Variants in THSD7B observed in about 807,000 individuals in gnomAD.
THSD7B encodes thrombospondin type-1 domain-containing protein 7B.
THSD7B carries 138 observed loss-of-function variants against 213.6 expected under a neutral mutation model. That is an observed-to-expected ratio of 0.65 (90% CI 0.56 to 0.74). THSD7B has a LOEUF of 0.74. THSD7B is among the 30% of genes least tolerant of loss of function. The pLI, the probability that THSD7B is intolerant of heterozygous loss-of-function variation, is 0.00. For synonymous variants in THSD7B, 742 were observed against 687.0 expected, an observed-to-expected ratio of 1.08 and a Z score of -1.25; for missense variants, 1,931 against 1,991.5, an observed-to-expected ratio of 0.97 and a Z score of 0.58.
At chr2:137,637,401 G>A (rs1398797193) in intron 20 of THSD7B, among the ~76,000 whole-genome samples, 4 of 152,226 alleles carry the variant, frequency 2.6e-5, no homozygotes, top group South Asian at 2.1e-4. Context: ...GAAGCATCAG[G>A]TCCAGTAATT....
rs534736121 is a variant in THSD7B, at chr2:137,240,570, G to C, written c.2151-1887G>C. Among the ~76,000 whole-genome samples, 78 of 152,026 alleles carry C rather than the reference G, an allele frequency of 5.1e-4. 1 individual carries two copies. The highest frequency in any genetic ancestry group is 8.8e-4 in the Non-Finnish European group (60 of 68,016). On this transcript the variant is annotated intron_variant, in intron 9 of 27. Coordinates refer to ENST00000409968, the MANE Select transcript of THSD7B (RefSeq NM_001316349.2). ...ATTGTCCAGGCTCTGGAGTGCAGGG[G>C]TATGATCATAGCTTACTGCAGCCTT... is the stretch of plus-strand genomic sequence containing the variant.
At chr2:137,649,144 T>C (rs1683092285) in intron 21 of THSD7B, among the ~76,000 whole-genome samples, 1 of 152,240 alleles carries the variant, frequency 6.6e-6, no homozygotes, top group East Asian at 1.9e-4. Context: ...TGTTGAGTTC[T>C]TTGAACTATT....
intron 7 of THSD7B, among the ~76,000 whole-genome samples, chr2:137,190,050 C>G (rs1449579320): frequency 6.6e-6 from 1 of 152,132 alleles, no homozygotes; most frequent in Non-Finnish European, 1.5e-5. Context: ...GAAAGCCAGT[C>G]CAGGTTGCCA....
intron 10 of THSD7B, among the ~76,000 whole-genome samples, chr2:137,257,975 G>A (rs1337777810): frequency 6.6e-6 from 1 of 152,168 alleles, no homozygotes; most frequent in Non-Finnish European, 1.5e-5. Context: ...AATGACAAGA[G>A]TAATTGTTAT....
intron 10 of THSD7B, among the ~76,000 whole-genome samples, chr2:137,268,339 T>C (rs1682650080): frequency 1.3e-5 from 2 of 149,744 alleles, no homozygotes; most frequent in Non-Finnish European, 3.0e-5. Flanking sequence ...GTGTGTGATG[T>C]TCCCCGCCCT....
chr2:136,848,526 T>C (rs1303502123), intron 1 of THSD7B, among the ~76,000 whole-genome samples: 1 of 152,172 alleles, frequency 6.6e-6, no homozygotes, highest in Admixed American at 6.6e-5. Flanking sequence ...GTGTGTAATA[T>C]AAATTCTAAT....
chr2:136,773,504 C>A (rs1260127836), intron 1 of THSD7B, among the ~76,000 whole-genome samples: 4 of 151,818 alleles, frequency 2.6e-5, no homozygotes, highest in Non-Finnish European at 4.4e-5. Context: ...TCTTATTAAC[C>A]CAATGTATAC....
intron 25 of THSD7B, among the ~76,000 whole-genome samples, chr2:137,663,008 T>C (rs1052638325): frequency 3.5e-5 from 5 of 142,110 alleles, no homozygotes; most frequent in African/African-American, 6.0e-5. Context: ...GAGATTACAA[T>C]GAGCTGAGAT....
intron 15 of THSD7B, among the ~76,000 whole-genome samples, chr2:137,491,890 C>T (rs1040004582): frequency 1.4e-4 from 22 of 151,930 alleles, no homozygotes; most frequent in African/African-American, 5.3e-4. Context: ...TTCTAGTATT[C>T]GATATGTCAT....
chr2:137,100,766 T>C (rs1688135778), intron 4 of THSD7B, among the ~76,000 whole-genome samples: 1 of 152,078 alleles, frequency 6.6e-6, no homozygotes, highest in Non-Finnish European at 1.5e-5. Context: ...TCAAAGGTAT[T>C]TTAAAATAAA....
rs553872287 is a variant in THSD7B, at chr2:137,661,945, T to C, written c.4459-1438T>C. Among the ~76,000 whole-genome samples, 213 of 152,260 alleles carry C rather than the reference T, an allele frequency of 1.4e-3. 1 individual carries two copies. Among genetic ancestry groups the C allele is most frequent in the Non-Finnish European group, 2.4e-3 (160 of 68,018 alleles). ...GTTGTGTGTTCCTAGAGGAAGATCA[T>C]ATACCAGTTAAACTCCTCCATTTTG... On this transcript the variant is annotated intron_variant, in intron 25 of 27. Transcript: ENST00000409968.
At chr2:137,640,985 G>A (rs900308320) in intron 20 of THSD7B, among the ~76,000 whole-genome samples, 1 of 152,128 alleles carries the variant, frequency 6.6e-6, no homozygotes, top group African/African-American at 2.4e-5. Flanking sequence ...TATTCTGGTG[G>A]ACAGTAAGAG....
At chr2:137,126,052 A>G (rs1688624371) in intron 5 of THSD7B, among the ~76,000 whole-genome samples, 1 of 152,198 alleles carries the variant, frequency 6.6e-6, no homozygotes, top group Admixed American at 6.5e-5. Context: ...TATTCCATTT[A>G]TAGAGCACAA....
intron 1 of THSD7B, among the ~76,000 whole-genome samples, chr2:136,774,223 C>T (rs1681562747): frequency 6.6e-6 from 1 of 152,010 alleles, no homozygotes; most frequent in Non-Finnish European, 1.5e-5. Context: ...TTTTAAGTAA[C>T]CAGTGTTTCT....
intron 2 of THSD7B, among the ~76,000 whole-genome samples, chr2:137,048,339 A>C (rs1283268209): frequency 6.6e-6 from 1 of 152,172 alleles, no homozygotes; most frequent in Non-Finnish European, 1.5e-5. Context: ...GCAGTTTCAA[A>C]ACAAAAAATT....
At chr2:137,578,849 A>G (rs923023421) in intron 17 of THSD7B, among the ~76,000 whole-genome samples, 2 of 152,214 alleles carry the variant, frequency 1.3e-5, no homozygotes, top group South Asian at 4.1e-4. Context: ...ACTTGAAAAC[A>G]TAGTTACTAA....
chr2:137,558,179 T>C (rs998832237), intron 15 of THSD7B, among the ~76,000 whole-genome samples: 4 of 152,024 alleles, frequency 2.6e-5, no homozygotes, highest in Admixed American at 6.6e-5. Context: ...TTCCAATCAA[T>C]AGAAAAAGAG....
At chr2:136,794,737 A>G (rs1227341933) in intron 1 of THSD7B, among the ~76,000 whole-genome samples, 1 of 151,982 alleles carries the variant, frequency 6.6e-6, no homozygotes, top group Non-Finnish European at 1.5e-5. Context: ...CATCTTCTAC[A>G]TCCTTAAGTA....
intron 16 of THSD7B, among the ~76,000 whole-genome samples, chr2:137,569,033 G>A (rs1681299800): frequency 6.6e-6 from 1 of 152,172 alleles, no homozygotes; most frequent in Non-Finnish European, 1.5e-5. Flanking sequence ...TGTCCAGTGG[G>A]AAAAATGTAT....
Sources: allele counts gnomAD v4.1 joint callset (sites outside exome capture counted in the v4.1 genomes callset), GRCh38; gene constraint gnomAD v4.1.1; transcripts MANE v1.5; gene names NCBI Gene and HGNC (gene_info 2026-07-23, HGNC 2026-07-21).